Variants in ADCY1 observed in about 807,000 individuals in gnomAD.
The protein encoded by ADCY1 is adenylate cyclase 1, also known as adenylate cyclase type 1.
In ADCY1, 28 loss-of-function variants were observed where a neutral mutation model predicts 105.4. The ratio of observed to expected loss-of-function variants is 0.27; its 90% confidence interval spans 0.20 to 0.36. The LOEUF (loss-of-function observed/expected upper bound fraction) is 0.36. Among genes scored for constraint, ADCY1 ranks in the 10% least tolerant of loss-of-function variants. The pLI, the probability that ADCY1 is intolerant of heterozygous loss-of-function variation, is 1.00. For missense variants in ADCY1, 977 were observed against 1,434.2 expected, an observed-to-expected ratio of 0.68 and a Z score of 5.15; for synonymous variants, 655 against 623.8, an observed-to-expected ratio of 1.05 and a Z score of -0.75.
intron 4 of ADCY1, 126 bp downstream of exon 4, chr7:45,622,869 G>T (rs1189631366): frequency 4.1e-6 from 3 of 729,048 alleles, no homozygotes. Flanking sequence ...TTCCAGCAAG[G>T]TTATAAATCA....
chr7:45,666,876 C>T (rs1424580955), intron 8 of ADCY1, among the ~76,000 whole-genome samples: 5 of 152,166 alleles, frequency 3.3e-5, no homozygotes, highest in African/African-American at 1.2e-4. Context: ...CTCTGATGGC[C>T]AGTGATGATG....
At chr7:45,623,729 G>A (rs765626076) in intron 4 of ADCY1, among the ~76,000 whole-genome samples, 6 of 152,144 alleles carry the variant, frequency 3.9e-5, no homozygotes, top group Admixed American at 1.3e-4. Context: ...AGATTTTCAC[G>A]CCCAGACTGT....
Position 45,589,539 on chromosome 7 carries a change from C to T in ADCY1, c.640-3220C>T, listed in dbSNP as rs373563459. On this transcript the variant is annotated intron_variant, in intron 1 of 19. Transcript: ENST00000297323. ...TTTTGGATCTAAATGCCCCTCTAGCCGTGAGTTCAGAGAGCTTCATGGAGA... is the reference window on the plus strand; with the variant it reads ...TTTTGGATCTAAATGCCCCTCTAGCTGTGAGTTCAGAGAGCTTCATGGAGA... 4.5e-4 allele frequency among the ~76,000 whole-genome samples: 69 copies of T among 152,306 alleles called. No individual in the cohort carries two copies. The South Asian group carries it at 8.3e-3, about 18-fold the overall frequency.
chr7:45,636,589 G>A (rs1171291310), intron 4 of ADCY1, among the ~76,000 whole-genome samples: 5 of 152,172 alleles, frequency 3.3e-5, no homozygotes, highest in Non-Finnish European at 7.3e-5. Context: ...CGCTCAGGCT[G>A]GAGTGCAGTG....
intron 14 of ADCY1, among the ~76,000 whole-genome samples, chr7:45,698,292 T>G (rs375043518): frequency 6.6e-6 from 1 of 152,368 alleles, no homozygotes; most frequent in Non-Finnish European, 1.5e-5. Context: ...TCTCTCATTT[T>G]CTAATAAAGG....
intron 1 of ADCY1, among the ~76,000 whole-genome samples, chr7:45,578,147 G>C (rs951126390): frequency 1.3e-5 from 2 of 152,194 alleles, no homozygotes; most frequent in African/African-American, 4.8e-5. Context: ...GGGCAGAGGA[G>C]AGAACGCTGA....
intron 10 of ADCY1, 21 bp downstream of exon 10, chr7:45,678,284 G>A (rs1767246468): frequency 6.2e-7 from 1 of 1,605,236 alleles, no homozygotes. Context: ...CTATCAACGA[G>A]GTGAGGAACT....
chr7:45,714,205 A>G lies in ADCY1; in HGVS notation c.*210A>G, dbSNP rs1785319800. The stretch of plus-strand genomic sequence containing the variant: ...ACAGCAGTGACTCGGTGAGGGGAGG[A>G]CACCCGACTGTGCACACTTCCAGGC... On this transcript the variant is annotated 3_prime_UTR_variant, in exon 20 of 20. Coordinates refer to ENST00000297323, the MANE Select transcript of ADCY1 (RefSeq NM_021116.4). 1 of 584,012 alleles carries G rather than the reference A, an allele frequency of 1.7e-6. No individual in the cohort carries two copies. The highest frequency in any genetic ancestry group is 3.0e-6 in the Non-Finnish European group (1 of 328,612). The allele number at this position is 584,012 out of a possible 1,614,324, so 36.2% of individuals were successfully genotyped here. A position where few individuals can be genotyped will look rare whatever the true frequency, so the allele number is the denominator to read the frequency against.
chr7:45,657,937 C>T (rs777966149), intron 6 of ADCY1, 52 bp downstream of exon 6: 10 of 1,539,710 alleles, frequency 6.5e-6, no homozygotes, highest in East Asian at 2.4e-5. Context: ...TGGCTGTGCA[C>T]CCCTGGGCTA....
At chr7:45,624,105 C>T (rs1162415016) in intron 4 of ADCY1, among the ~76,000 whole-genome samples, 2 of 152,134 alleles carry the variant, frequency 1.3e-5, no homozygotes, top group African/African-American at 2.4e-5. Flanking sequence ...TGTGGATGCT[C>T]CCTTAATGAA....
intron 2 of ADCY1, among the ~76,000 whole-genome samples, chr7:45,594,344 T>G (rs1463443304): frequency 6.6e-6 from 1 of 152,194 alleles, no homozygotes. Flanking sequence ...CAAGGAGAGA[T>G]ATCTCCTTTG....
chr7:45,688,514 T>C (rs1472689115), intron 14 of ADCY1, among the ~76,000 whole-genome samples: 1 of 152,164 alleles, frequency 6.6e-6, no homozygotes, highest in Non-Finnish European at 1.5e-5. Flanking sequence ...TTTCCTCTAG[T>C]TTTATTCATC....
At chr7:45,574,316 C>G (rs1584237477), upstream of ADCY1, 1 of 204,176 alleles carries the variant, frequency 4.9e-6, no homozygotes, top group Admixed American at 6.6e-5. The surrounding 1 kb of genome is among the most constrained non-coding windows in gnomAD (Gnocchi z 7.0). Context: ...CGCCGAGGAC[C>G]ACGGTCGGGG....
At chr7:45,578,189 G>C (rs908039915) in intron 1 of ADCY1, among the ~76,000 whole-genome samples, 3 of 152,170 alleles carry the variant, frequency 2.0e-5, no homozygotes, top group Non-Finnish European at 2.9e-5. Context: ...AGCACAGGTG[G>C]AATTGAGTAG....
At chr7:45,617,768 A>T (rs1584273978) in intron 3 of ADCY1, among the ~76,000 whole-genome samples, 1 of 152,250 alleles carries the variant, frequency 6.6e-6, no homozygotes, top group East Asian at 1.9e-4. Context: ...TTTCACATTC[A>T]TGGATTGGAA....
At position 45,719,179 on chromosome 7, in the gene ADCY1, C is replaced by T. The variant is rs149537397; in HGVS notation, c.*5184C>T. The T allele has an allele frequency of 6.5e-6, 1 of 152,922 alleles. No homozygotes were observed. Among genetic ancestry groups the T allele is most frequent in the Non-Finnish European group, 1.5e-5 (1 of 68,258 alleles). 9.5% of individuals were successfully genotyped at this position (152,922 alleles called of 1,614,324 possible). A position where few individuals can be genotyped will look rare whatever the true frequency, so the allele number is the denominator to read the frequency against. ...GGGGCCAGCAGCAGGGGGCAGAGCCCCAGCCAGGGCAGCTGCTTCCTGCAC... is the reference window on the plus strand; with the variant it reads ...GGGGCCAGCAGCAGGGGGCAGAGCCTCAGCCAGGGCAGCTGCTTCCTGCAC... On this transcript the variant is annotated 3_prime_UTR_variant, in exon 20 of 20. Coordinates refer to ENST00000297323, the MANE Select transcript of ADCY1 (RefSeq NM_021116.4).
At chr7:45,616,536 A>G (rs1284003659) in intron 3 of ADCY1, among the ~76,000 whole-genome samples, 1 of 152,226 alleles carries the variant, frequency 6.6e-6, no homozygotes, top group Admixed American at 6.5e-5. Context: ...TAGTGTGATA[A>G]CAACATGTTA....
chr7:45,605,029 A>G (rs566856729), intron 2 of ADCY1, among the ~76,000 whole-genome samples: 1 of 152,294 alleles, frequency 6.6e-6, no homozygotes, highest in East Asian at 1.9e-4. Flanking sequence ...TAACATACAA[A>G]TCCTATACAT....
intron 5 of ADCY1, among the ~76,000 whole-genome samples, chr7:45,652,102 G>C (rs1201121569): frequency 6.6e-6 from 1 of 152,108 alleles, no homozygotes; most frequent in African/African-American, 2.4e-5. Flanking sequence ...ATGGCGGCAG[G>C]AGAGAGAGAG....
Sources: allele counts gnomAD v4.1 joint callset (sites outside exome capture counted in the v4.1 genomes callset), GRCh38; gene constraint gnomAD v4.1.1; non-coding constraint Gnocchi (gnomAD v3.1); transcripts MANE v1.5; gene names NCBI Gene and HGNC (gene_info 2026-07-23, HGNC 2026-07-21).